RSRC1: variants seen among roughly 807,000 people sequenced by gnomAD.
The protein encoded by RSRC1 is serine/Arginine-related protein 53.
In RSRC1, 39 loss-of-function variants were observed where a neutral mutation model predicts 49.1. That is an observed-to-expected ratio of 0.79 (90% CI 0.61 to 1.04). RSRC1 has a LOEUF of 1.04. Among genes scored for constraint, RSRC1 ranks in the 50% least tolerant of loss-of-function variants. The pLI, the probability that RSRC1 is intolerant of heterozygous loss-of-function variation, is 0.00. For missense variants in RSRC1, 388 were observed against 402.4 expected, an observed-to-expected ratio of 0.96 and a Z score of 0.31; for synonymous variants, 143 against 130.8, an observed-to-expected ratio of 1.09 and a Z score of -0.63.
At chr3:158,166,381 C>T (rs766006502) in intron 3 of RSRC1, among the ~76,000 whole-genome samples, 1 of 151,992 alleles carries the variant, frequency 6.6e-6, no homozygotes, top group African/African-American at 2.4e-5. Flanking sequence ...TCTTGTTACA[C>T]GTAATCATAA....
chr3:158,225,962 A>G (rs1484909650), intron 4 of RSRC1, among the ~76,000 whole-genome samples: 1 of 151,938 alleles, frequency 6.6e-6, no homozygotes, highest in African/African-American at 2.4e-5. Context: ...TTATCAGCAC[A>G]TAGTAACTTA....
intron 3 of RSRC1, among the ~76,000 whole-genome samples, chr3:158,140,984 G>A (rs894148052): frequency 2.0e-5 from 3 of 152,186 alleles, no homozygotes; most frequent in East Asian, 3.9e-4. Flanking sequence ...GTAGTATCAC[G>A]GAGCATTTTT....
chr3:158,396,458 GA>G (rs1733618035), intron 6 of RSRC1, among the ~76,000 whole-genome samples: 1 of 151,370 alleles, frequency 6.6e-6, no homozygotes, highest in African/African-American at 2.4e-5. Flanking sequence ...TATTTGTAAG[GA>G]AAATAAGCAT....
intron 6 of RSRC1, among the ~76,000 whole-genome samples, chr3:158,442,676 C>CT (rs1285195244): frequency 1.3e-5 from 2 of 152,096 alleles, no homozygotes; most frequent in Admixed American, 6.6e-5. Context: ...CACAAATGTT[C>CT]TTAATGGCAT....
At chr3:158,188,954 G>A (rs1720074911) in intron 3 of RSRC1, among the ~76,000 whole-genome samples, 1 of 151,066 alleles carries the variant, frequency 6.6e-6, no homozygotes, top group African/African-American at 2.4e-5. Flanking sequence ...TACACTTATG[G>A]CCCTATAAAT....
intron 3 of RSRC1, among the ~76,000 whole-genome samples, chr3:158,180,815 T>TC (rs1427685084): frequency 2.0e-5 from 3 of 147,416 alleles, no homozygotes; most frequent in Non-Finnish European, 4.5e-5. Context: ...TTTTTTTTTT[T>TC]TTTTTTTGAG....
chr3:158,170,354 A>C (rs57324946), intron 3 of RSRC1, among the ~76,000 whole-genome samples: 2,347 of 131,634 alleles, frequency 0.018, 82 homozygotes, highest in African/African-American at 0.064. Context: ...TCTCCCTTTT[A>C]CCATTTTTAT....
intron 6 of RSRC1, among the ~76,000 whole-genome samples, chr3:158,425,999 A>C (rs187896884): frequency 1.3e-5 from 2 of 151,724 alleles, no homozygotes; most frequent in African/African-American, 4.8e-5. Flanking sequence ...CCACACATGT[A>C]TGAGGACTTG....
chr3:158,392,221 C>T (rs1236631908), intron 6 of RSRC1, among the ~76,000 whole-genome samples: 3 of 152,116 alleles, frequency 2.0e-5, no homozygotes, highest in Non-Finnish European at 1.5e-5. Flanking sequence ...CTTCTCCTCA[C>T]TAAAGAACAA....
chr3:158,453,219 T>A lies in RSRC1; in HGVS notation c.584-7716T>A, dbSNP rs1250156213. ...TATTTTCAAACTCCTGTGCACACAT[T>A]TTCAAACTCTTGTGCACACATTTTC... On this transcript the variant is annotated intron_variant, in intron 6 of 9. Transcript: ENST00000611884. Among the ~76,000 whole-genome samples, 23 of 151,446 alleles carry A rather than the reference T, an allele frequency of 1.5e-4. 1 individual carries two copies. Among genetic ancestry groups the A allele is most frequent in the African/African-American group, 5.4e-4 (22 of 40,946 alleles).
At chr3:158,419,310 T>A (rs1734914294) in intron 6 of RSRC1, among the ~76,000 whole-genome samples, 1 of 151,952 alleles carries the variant, frequency 6.6e-6, no homozygotes, top group Non-Finnish European at 1.5e-5. Context: ...GCATCTTTTT[T>A]TCTCCATCAG....
intron 6 of RSRC1, among the ~76,000 whole-genome samples, chr3:158,364,685 A>G (rs1439918653): frequency 6.6e-6 from 1 of 152,014 alleles, no homozygotes; most frequent in Non-Finnish European, 1.5e-5. Flanking sequence ...ATGAAAGACA[A>G]TATTGTATGG....
At chr3:158,463,253 TA>T (rs1737712483) in intron 7 of RSRC1, among the ~76,000 whole-genome samples, 1 of 152,126 alleles carries the variant, frequency 6.6e-6, no homozygotes, top group African/African-American at 2.4e-5. Context: ...CAAAATTTGC[TA>T]AACTATTTGC....
At chr3:158,287,806 T>G (rs1726663445) in intron 4 of RSRC1, among the ~76,000 whole-genome samples, 1 of 152,204 alleles carries the variant, frequency 6.6e-6, no homozygotes, top group South Asian at 2.1e-4. Flanking sequence ...GCTATTATCT[T>G]TGGCTAGTGG....
At chr3:158,188,878 GCT>G in intron 3 of RSRC1, among the ~76,000 whole-genome samples, 1 of 151,128 alleles carries the variant, frequency 6.6e-6, no homozygotes. Flanking sequence ...TTACTCTTCT[GCT>G]CTTTTTCTCT....
intron 6 of RSRC1, among the ~76,000 whole-genome samples, chr3:158,437,119 A>C (rs116736552): frequency 0.01 from 1,572 of 150,268 alleles, 31 homozygotes; most frequent in African/African-American, 0.032. Flanking sequence ...CACACACACA[A>C]AAAAAAAAAC....
chr3:158,323,636 T>G (rs554829428), intron 5 of RSRC1, among the ~76,000 whole-genome samples: 23 of 152,198 alleles, frequency 1.5e-4, no homozygotes, highest in South Asian at 4.1e-4. Context: ...CCATTCAAGC[T>G]GTACAGGAAG....
At chr3:158,425,554 A>G (rs1735374622) in intron 6 of RSRC1, among the ~76,000 whole-genome samples, 1 of 151,982 alleles carries the variant, frequency 6.6e-6, no homozygotes, top group African/African-American at 2.4e-5. Flanking sequence ...AAAAATGTAT[A>G]TTCTGTTGAT....
chr3:158,210,475 C>T (rs1412682730), intron 4 of RSRC1, among the ~76,000 whole-genome samples: 2 of 59,518 alleles, frequency 3.4e-5, no homozygotes, highest in South Asian at 1.1e-3. Context: ...TTATAGCATG[C>T]AAAAAAAAAA....
Sources: gnomAD v4.1 joint callset for allele counts (sites outside exome capture counted in the v4.1 genomes callset) on GRCh38, gnomAD v4.1.1 for gene constraint, MANE v1.5 for transcripts, NCBI Gene and HGNC (gene_info 2026-07-23, HGNC 2026-07-21) for gene names.